Variants in ERAP1 observed in about 807,000 individuals in gnomAD.
ERAP1 encodes the protein endoplasmic reticulum aminopeptidase 1, also known as adipocyte-derived leucine aminopeptidase.
In ERAP1, 86 loss-of-function variants were observed where a neutral mutation model predicts 103.7. That is an observed-to-expected ratio of 0.83 (90% CI 0.70 to 0.99). The LOEUF is 0.99. ERAP1 is among the 50% of genes least tolerant of loss of function. The pLI is 0.00. For synonymous variants in ERAP1, 398 were observed against 402.4 expected (o/e 0.99, Z 0.13); for missense variants, 1,009 against 1,128.4 (o/e 0.89, Z 1.52).
At chr5:96,814,241 C>A in the ERAP1 span, 6 of 456,068 alleles carry the variant, frequency 1.3e-5, no homozygotes, top group Admixed American at 1.4e-4. Context: ...TTTCTGGAGG[C>A]TGCTCTCAGA....
chr5:96,806,495 T>C lies in ERAP1; in HGVS notation c.-18+1365A>G, dbSNP rs26656. ...TCTCTCTAATAGCCTATTATTCTCA[T>C]TCAAGGTGGGGTAACTGAAGCAAAG... On this transcript the variant is annotated intron_variant, in intron 1 of 18. Transcript: ENST00000443439. Among the ~76,000 whole-genome samples the C allele has an allele frequency of 1.9e-3, 284 of 152,340 alleles. 2 individuals carry two copies. The highest frequency in any genetic ancestry group is 0.014 in the Admixed American group (212 of 15,292).
intron 1 of ERAP1, chr5:96,804,443 CA>C (rs1778331448): frequency 5.5e-6 from 1 of 181,898 alleles, no homozygotes; most frequent in South Asian, 1.1e-4. Context: ...AATGCTGACA[CA>C]GTGGCAGCCA....
At chr5:96,869,103 T>C in the ERAP1 span, among the ~76,000 whole-genome samples, 2 of 151,368 alleles carry the variant, frequency 1.3e-5, no homozygotes, top group Non-Finnish European at 2.9e-5. Flanking sequence ...CTTTCTTCGC[T>C]CAAGAGAACT....
chr5:96,900,643 G>A, the ERAP1 span, among the ~76,000 whole-genome samples: 3 of 152,076 alleles, frequency 2.0e-5, no homozygotes, highest in Non-Finnish European at 4.4e-5. Context: ...TAAACAAAGA[G>A]TCATGCTAAT....
intron 17 of ERAP1, 22 bp downstream of exon 17, chr5:96,781,036 C>T (rs75871530): frequency 1.9e-6 from 3 of 1,613,972 alleles, no homozygotes; most frequent in Non-Finnish European, 1.7e-6. Context: ...CCAGTCACAG[C>T]ACAATTTTTG....
chr5:96,898,572 CAA>C, the ERAP1 span, among the ~76,000 whole-genome samples: 5 of 94,440 alleles, frequency 5.3e-5, no homozygotes, highest in Admixed American at 1.2e-4. Flanking sequence ...TACTAAAATA[CAA>C]AAAAAAAAAA....
In ERAP1 at chr5:96,786,072, C is replaced by A. The variant is rs75454212; in HGVS notation, c.1760-101G>T. 2,348 of 1,160,464 alleles carry A rather than the reference C, an allele frequency of 2.0e-3. 41 individuals are homozygous for A. In the African/African-American group the frequency reaches 0.031, roughly 15 times the overall value. The allele number at this position is 1,160,464 out of a possible 1,614,324, so 71.9% of individuals were successfully genotyped here. On this transcript the variant is annotated intron_variant, in intron 12 of 18. Coordinates refer to ENST00000443439, the MANE Select transcript of ERAP1 (RefSeq NM_001040458.3). ...AAGGAAATTAGAGAAGAGTTTAATACTGAAAAATTTGAAAACATCACTTAT... is the reference window on the plus strand; with the variant it reads ...AAGGAAATTAGAGAAGAGTTTAATAATGAAAAATTTGAAAACATCACTTAT...
the ERAP1 span, chr5:96,900,050 C>T: frequency 6.5e-7 from 1 of 1,537,134 alleles, no homozygotes; most frequent in Non-Finnish European, 9.0e-7. Context: ...TGCCTGCATC[C>T]ATGGCTAATG....
At chr5:96,926,661 C>G in the ERAP1 span, among the ~76,000 whole-genome samples, 1 of 152,174 alleles carries the variant, frequency 6.6e-6, no homozygotes, top group African/African-American at 2.4e-5. Flanking sequence ...TTTAACATGT[C>G]AGTACTTTCT....
At chr5:96,933,356 C>T in the ERAP1 span, among the ~76,000 whole-genome samples, 1 of 151,706 alleles carries the variant, frequency 6.6e-6, no homozygotes, top group African/African-American at 2.4e-5. Flanking sequence ...CCTCACCCTC[C>T]GGAATAGCTG....
At chr5:96,778,529 GAGTA>G (rs1399087019) in intron 18 of ERAP1, among the ~76,000 whole-genome samples, 2 of 152,174 alleles carry the variant, frequency 1.3e-5, no homozygotes, top group Non-Finnish European at 2.9e-5. Flanking sequence ...TGTTATGAGA[GAGTA>G]AGCCAGGAGC....
the ERAP1 span, among the ~76,000 whole-genome samples, chr5:96,844,813 A>G: frequency 7.2e-5 from 11 of 152,352 alleles, no homozygotes; most frequent in African/African-American, 2.4e-4. Flanking sequence ...GAATTGCTCA[A>G]ACTTTTAAAA....
At chr5:96,930,284 A>G in the ERAP1 span, among the ~76,000 whole-genome samples, 3 of 152,190 alleles carry the variant, frequency 2.0e-5, no homozygotes, top group African/African-American at 7.2e-5. Flanking sequence ...AAGAGTTTTC[A>G]TGTCCTCTGC....
At chr5:96,781,875 G>A (rs72773923) in intron 15 of ERAP1, 21 bp from the exon 16 acceptor site, 183,420 of 1,611,868 alleles carry the variant, frequency 0.11, 11,440 homozygotes, top group Non-Finnish European at 0.13. Flanking sequence ...GAACACACTC[G>A]GTGAGAATCT....
At chr5:96,820,352 C>G in the ERAP1 span, among the ~76,000 whole-genome samples, 1 of 151,748 alleles carries the variant, frequency 6.6e-6, no homozygotes, top group South Asian at 2.1e-4. Context: ...GTGCTTGGAA[C>G]GTCAATACTG....
Position 96,774,968 on chromosome 5 carries a change from A to AAAG in ERAP1, c.*1425_*1427dup. 1.0e-6 allele frequency: 1 copy of AAAG among 985,538 alleles called. No individual in the cohort carries two copies. The highest frequency in any genetic ancestry group is 1.2e-6 in the Non-Finnish European group (1 of 829,924). 61.0% of individuals were successfully genotyped at this position (985,538 alleles called of 1,614,324 possible). On this transcript the variant is annotated 3_prime_UTR_variant, in exon 19 of 19. Transcript: ENST00000443439. ...CTTGAAGTTTTTGCCTTATATTCAA[A>AAAG]AAGTTCAGTTTGAATTCTCCTTTGC... is the stretch of plus-strand genomic sequence containing the variant.
the ERAP1 span, chr5:96,919,414 G>A: frequency 1.3e-5 from 2 of 152,116 alleles, no homozygotes; most frequent in Non-Finnish European, 2.9e-5. Flanking sequence ...TTAGCATAAG[G>A]AAATTGAAAA....
chr5:96,880,008 T>C, the ERAP1 span: 3 of 1,614,186 alleles, frequency 1.9e-6, no homozygotes, highest in African/African-American at 4.0e-5. Flanking sequence ...ACCCAGTTTA[T>C]CATCTTGCAC....
the ERAP1 span, chr5:96,895,328 C>T: frequency 6.2e-7 from 1 of 1,611,564 alleles, no homozygotes; most frequent in African/African-American, 1.3e-5. Context: ...GAACTTATCG[C>T]TGTTAATGCT....
Sources: allele counts gnomAD v4.1 joint callset (sites outside exome capture counted in the v4.1 genomes callset), GRCh38; gene constraint gnomAD v4.1.1; transcripts MANE v1.5; gene names NCBI Gene and HGNC (gene_info 2026-07-23, HGNC 2026-07-21).